The following SLC2A12 variants were observed in gnomAD, a reference collection of about 807,000 sequenced individuals.
The protein encoded by SLC2A12 is solute carrier family 2 member 12.
In SLC2A12, 23 loss-of-function variants were observed where a neutral mutation model predicts 41.8. That is an observed-to-expected ratio of 0.55 (90% CI 0.40 to 0.78). The LOEUF is 0.78. SLC2A12 is among the 30% of genes least tolerant of loss of function. SLC2A12 has a pLI of 0.00. For synonymous variants in SLC2A12, 295 were observed against 285.9 expected, an observed-to-expected ratio of 1.03 and a Z score of -0.32; for missense variants, 654 against 745.6, an observed-to-expected ratio of 0.88 and a Z score of 1.43.
rs1333776347 is a variant in SLC2A12, at chr6:133,988,235, T to A, written c.*2920A>T. The A allele has an allele frequency of 6.6e-6, 1 of 152,200 alleles. No individual in the cohort carries two copies. Among genetic ancestry groups the A allele is most frequent in the Non-Finnish European group, 1.5e-5 (1 of 68,026 alleles). The allele number at this position is 152,200 out of a possible 1,614,324, so 9.4% of individuals were successfully genotyped here. On this transcript the variant is annotated 3_prime_UTR_variant, in exon 5 of 5. Coordinates refer to ENST00000275230, the MANE Select transcript of SLC2A12 (RefSeq NM_145176.3). ...TATTCAGTATATGAGATTGCTACTC[T>A]TAAAGTTATAATAAATATGCATTTA...
At chr6:134,018,868 T>C (rs1243414532) in intron 2 of SLC2A12, among the ~76,000 whole-genome samples, 1 of 152,180 alleles carries the variant, frequency 6.6e-6, no homozygotes, top group African/African-American at 2.4e-5. Context: ...ATGTGCTGGA[T>C]GTGTGAGTGA....
At chr6:134,022,991 ATGTTACCTTTGGTCTT>A (rs1048151006) in intron 2 of SLC2A12, among the ~76,000 whole-genome samples, 1 of 152,140 alleles carries the variant, frequency 6.6e-6, no homozygotes, top group Admixed American at 6.5e-5. Context: ...TAACAAACTC[ATGTTACCTTTGGTCTT>A]TGTAACCTTT....
At chr6:134,047,032 T>C (rs1206824962) in intron 1 of SLC2A12, among the ~76,000 whole-genome samples, 2 of 152,218 alleles carry the variant, frequency 1.3e-5, no homozygotes, top group African/African-American at 2.4e-5. Context: ...TTAACTGATA[T>C]TGAGTACTTT....
rs1332670205 is a variant in SLC2A12, at chr6:134,029,252, A to T, written c.573T>A (p.Asn191Lys). Residue 191 changes from asparagine to lysine, a missense_variant, in exon 2 of 5, where the codon AAT becomes AAA. Asn to Lys is a moderately conservative substitution (Grantham distance 94). Coordinates refer to ENST00000275230, the MANE Select transcript of SLC2A12 (RefSeq NM_145176.3). ...ACATGTACTTCCAGCCATGGAAAACATTGGCAAATGCGTAATTTGAAATAT... is the reference window on the plus strand; with the variant it reads ...ACATGTACTTCCAGCCATGGAAAACTTTGGCAAATGCGTAATTTGAAATAT... ...SAYISNYAFA[N>K]VFHGWKYMFG... 1.9e-6 allele frequency: 3 copies of T among 1,614,250 alleles called. No homozygotes were observed. Among genetic ancestry groups the T allele is most frequent in the Non-Finnish European group, 1.7e-6 (2 of 1,180,052 alleles).
chr6:134,009,952 A>G (rs969695326), intron 2 of SLC2A12, among the ~76,000 whole-genome samples: 1 of 152,232 alleles, frequency 6.6e-6, no homozygotes, highest in African/African-American at 2.4e-5. Context: ...TATCATGTGC[A>G]GCAAGATAGA....
At chr6:134,043,752 A>G (rs1245734187) in intron 1 of SLC2A12, among the ~76,000 whole-genome samples, 1 of 147,816 alleles carries the variant, frequency 6.8e-6, no homozygotes, top group African/African-American at 2.5e-5. Context: ...AGATCACACC[A>G]CTGCACCCTA....
At chr6:134,026,555 C>A (rs778852954) in intron 2 of SLC2A12, among the ~76,000 whole-genome samples, 2 of 152,232 alleles carry the variant, frequency 1.3e-5, no homozygotes, top group African/African-American at 4.8e-5. Flanking sequence ...CATAGGTATA[C>A]ACTCAAGATA....
At chr6:134,033,106 A>C (rs760621786) in intron 1 of SLC2A12, among the ~76,000 whole-genome samples, 47 of 151,856 alleles carry the variant, frequency 3.1e-4, no homozygotes, top group Admixed American at 1.2e-3. Context: ...GAGCCTGGAG[A>C]GGTAGGACGG....
intron 1 of SLC2A12, among the ~76,000 whole-genome samples, chr6:134,042,819 T>C (rs1426360414): frequency 6.6e-6 from 1 of 151,934 alleles, no homozygotes; most frequent in East Asian, 1.9e-4. Flanking sequence ...ACAAAAAAAT[T>C]AGCTGAGTGT....
At chr6:134,022,578 G>GAAA (rs1189261568) in intron 2 of SLC2A12, among the ~76,000 whole-genome samples, 2 of 93,066 alleles carry the variant, frequency 2.1e-5, no homozygotes, top group East Asian at 3.3e-4. Flanking sequence ...GAAAAGAAAA[G>GAAA]AAAAGAAAAG....
chr6:134,040,120 A>C (rs1777363062), intron 1 of SLC2A12, among the ~76,000 whole-genome samples: 1 of 147,708 alleles, frequency 6.8e-6, no homozygotes, highest in African/African-American at 2.5e-5. Context: ...TCTGTCACCC[A>C]GGCTGGAGTG....
intron 2 of SLC2A12, among the ~76,000 whole-genome samples, chr6:134,022,715 T>C (rs1562197731): frequency 6.6e-6 from 1 of 152,084 alleles, no homozygotes; most frequent in Non-Finnish European, 1.5e-5. Context: ...ATGAGGAAAA[T>C]GGTATTTAAG....
chr6:133,987,675 A>T lies in SLC2A12; in HGVS notation c.*3480T>A, dbSNP rs974345810. The T allele has an allele frequency of 2.2e-5, 3 of 135,720 alleles. No individual in the cohort carries two copies. Among genetic ancestry groups the T allele is most frequent in the Non-Finnish European group, 3.2e-5 (2 of 61,952 alleles). The allele number at this position is 135,720 out of a possible 1,614,324, so 8.4% of individuals were successfully genotyped here. Reference sequence around the variant, plus strand: ...ATATATATATATATATATGCACCACATGTGTATAGTATCTTTTAATGCTCT... The same window carrying T: ...ATATATATATATATATATGCACCACTTGTGTATAGTATCTTTTAATGCTCT... On this transcript the variant is annotated 3_prime_UTR_variant, in exon 5 of 5. Transcript: ENST00000275230.
Position 134,021,663 on chromosome 6 carries a change from C to T in SLC2A12, c.1444+6718G>A, listed in dbSNP as rs181515409. Among the ~76,000 whole-genome samples, 34 of 152,220 alleles carry T rather than the reference C, an allele frequency of 2.2e-4. No individual in the cohort carries two copies. The East Asian group carries it at 5.8e-3, about 26-fold the overall frequency. On this transcript the variant is annotated intron_variant, in intron 2 of 4. Transcript: ENST00000275230. ...GAAATAGCTCAGAGAAGAAAAATCACGTAAAGGTCACACCACCAGTAAGTA... is the reference window on the plus strand; with the variant it reads ...GAAATAGCTCAGAGAAGAAAAATCATGTAAAGGTCACACCACCAGTAAGTA...
At chr6:134,014,206 C>A (rs753510114) in intron 2 of SLC2A12, among the ~76,000 whole-genome samples, 9 of 152,168 alleles carry the variant, frequency 5.9e-5, no homozygotes, top group Non-Finnish European at 1.2e-4. Flanking sequence ...AGCATGCAAC[C>A]TACATCCCTC....
intron 2 of SLC2A12, among the ~76,000 whole-genome samples, chr6:134,017,558 G>C (rs1004249194): frequency 6.6e-6 from 1 of 152,156 alleles, no homozygotes; most frequent in East Asian, 1.9e-4. Flanking sequence ...CAACTTAGAA[G>C]AGTGGACATT....
At chr6:134,051,025 G>A (rs1476916588) in intron 1 of SLC2A12, among the ~76,000 whole-genome samples, 1 of 152,060 alleles carries the variant, frequency 6.6e-6, no homozygotes, top group African/African-American at 2.4e-5. Context: ...AGTGATTCTT[G>A]TACCTCAGCC....
At chr6:134,002,168 G>C (rs1373439089) in intron 3 of SLC2A12, 39 bp from the exon 4 acceptor site, 1 of 1,581,524 alleles carries the variant, frequency 6.3e-7, no homozygotes, top group Non-Finnish European at 8.5e-7. Flanking sequence ...AATGTGTTTT[G>C]TGTAGCTTTG....
chr6:134,052,340 T>C (rs762835794), intron 1 of SLC2A12, 38 bp downstream of exon 1: 1 of 1,550,472 alleles, frequency 6.4e-7, no homozygotes, highest in Non-Finnish European at 8.8e-7. Context: ...TACAGCTTGC[T>C]TCTCTGCGGT....
Sources: allele counts gnomAD v4.1 joint callset (sites outside exome capture counted in the v4.1 genomes callset), GRCh38; gene constraint gnomAD v4.1.1; transcripts MANE v1.5; gene names NCBI Gene and HGNC (gene_info 2026-07-23, HGNC 2026-07-21).